Variants in SLC24A3 observed in about 807,000 individuals in gnomAD.
SLC24A3 encodes the protein sodium/potassium/calcium exchanger 3.
A neutral mutation model predicts 75.8 loss-of-function variants in SLC24A3; 28 were observed. The ratio of observed to expected loss-of-function variants is 0.37; its 90% CI spans 0.27 to 0.51. The LOEUF (loss-of-function observed/expected upper bound fraction) is 0.51. Among genes scored for constraint, SLC24A3 ranks in the 20% least tolerant of loss-of-function variants. The pLI, the probability that SLC24A3 is intolerant of heterozygous loss-of-function variation, is 0.94. For missense variants in SLC24A3, 663 were observed against 847.8 expected (o/e 0.78, Z 2.71); for synonymous variants, 372 against 334.1 (o/e 1.11, Z -1.24).
At chr20:19,420,297 A>G (rs1396422265) in intron 2 of SLC24A3, among the ~76,000 whole-genome samples, 1 of 59,910 alleles carries the variant, frequency 1.7e-5, no homozygotes, top group Non-Finnish European at 3.0e-5. Flanking sequence ...ATACGTGTGC[A>G]TGTGTCTTTA....
chr20:19,392,672 G>A (rs769877258), intron 2 of SLC24A3, among the ~76,000 whole-genome samples: 1 of 152,160 alleles, frequency 6.6e-6, no homozygotes, highest in Non-Finnish European at 1.5e-5. Context: ...CTGTTTGCCA[G>A]GCAATGGTCC....
chr20:19,365,120 T>C (rs1985864562), intron 2 of SLC24A3, among the ~76,000 whole-genome samples: 1 of 152,132 alleles, frequency 6.6e-6, no homozygotes. Context: ...TTGCACTTTG[T>C]ACCGTTATAC....
intron 3 of SLC24A3, among the ~76,000 whole-genome samples, chr20:19,567,875 A>G (rs1311012611): frequency 6.6e-6 from 1 of 152,232 alleles, no homozygotes. Context: ...ATATTTGCAA[A>G]TCGTATATCT....
chr20:19,218,043 T>C (rs946494257), intron 1 of SLC24A3, among the ~76,000 whole-genome samples: 9 of 152,178 alleles, frequency 5.9e-5, no homozygotes, highest in Non-Finnish European at 1.3e-4. Flanking sequence ...TCCGTACCTC[T>C]GTACCCCAGT....
intron 3 of SLC24A3, among the ~76,000 whole-genome samples, chr20:19,549,197 G>A (rs764958473): frequency 6.6e-6 from 1 of 152,216 alleles, no homozygotes; most frequent in Non-Finnish European, 1.5e-5. Context: ...AAGGGATGCT[G>A]GGACATGCTG....
At chr20:19,442,317 A>C (rs1384555211) in intron 2 of SLC24A3, among the ~76,000 whole-genome samples, 6 of 152,158 alleles carry the variant, frequency 3.9e-5, no homozygotes, top group Non-Finnish European at 8.8e-5. Context: ...ACCATTTTTC[A>C]TTCCCACCAG....
At chr20:19,531,873 A>G (rs1033292955) in intron 3 of SLC24A3, among the ~76,000 whole-genome samples, 1 of 152,238 alleles carries the variant, frequency 6.6e-6, no homozygotes, top group African/African-American at 2.4e-5. Context: ...TCCATTTTGC[A>G]GATGGATAAT....
intron 2 of SLC24A3, among the ~76,000 whole-genome samples, chr20:19,510,552 C>G (rs530441069): frequency 6.6e-6 from 1 of 152,180 alleles, no homozygotes; most frequent in East Asian, 1.9e-4. Context: ...GAAGCCCTAA[C>G]CCCCAAAATG....
intron 6 of SLC24A3, among the ~76,000 whole-genome samples, chr20:19,641,262 A>T (rs190951162): frequency 6.6e-6 from 1 of 152,280 alleles, no homozygotes. Flanking sequence ...CTCTGTCCAC[A>T]GTCAGTGTCA....
At chr20:19,645,379 T>G (rs2032125135) in intron 6 of SLC24A3, among the ~76,000 whole-genome samples, 1 of 152,204 alleles carries the variant, frequency 6.6e-6, no homozygotes, top group Non-Finnish European at 1.5e-5. Context: ...AATATAATTA[T>G]TTTAGATCAG....
intron 2 of SLC24A3, among the ~76,000 whole-genome samples, chr20:19,492,685 T>C (rs991117434): frequency 6.6e-6 from 1 of 152,238 alleles, no homozygotes; most frequent in African/African-American, 2.4e-5. Flanking sequence ...TCCTGTATAT[T>C]TTCCTTAAAC....
intron 2 of SLC24A3, among the ~76,000 whole-genome samples, chr20:19,399,168 T>A (rs575723921): frequency 2.0e-5 from 3 of 152,238 alleles, no homozygotes; most frequent in South Asian, 4.1e-4. Flanking sequence ...ATAGTTATCA[T>A]TTTTTTATGA....
At chr20:19,323,205 CAAAAAAA>C (rs1172583632) in intron 2 of SLC24A3, among the ~76,000 whole-genome samples, 2 of 61,138 alleles carry the variant, frequency 3.3e-5, no homozygotes, top group Non-Finnish European at 7.0e-5. Context: ...GACTCCGTCT[CAAAAAAA>C]AAAAAAAAAA....
At chr20:19,564,010 A>G (rs556053267) in intron 3 of SLC24A3, among the ~76,000 whole-genome samples, 1 of 152,236 alleles carries the variant, frequency 6.6e-6, no homozygotes, top group African/African-American at 2.4e-5. Context: ...CCTCTAGAAA[A>G]TTTAAATGAT....
chr20:19,365,068 A>G (rs1600449830), intron 2 of SLC24A3, among the ~76,000 whole-genome samples: 2 of 152,062 alleles, frequency 1.3e-5, no homozygotes, highest in African/African-American at 4.8e-5. Flanking sequence ...TGGCTACTCC[A>G]TAGAGCCATG....
At chr20:19,718,813 T>TA (rs2033069261) in intron 16 of SLC24A3, among the ~76,000 whole-genome samples, 1 of 152,158 alleles carries the variant, frequency 6.6e-6, no homozygotes, top group Admixed American at 6.5e-5. Context: ...CCATTGGAAA[T>TA]ATAAGTCTGA....
intron 2 of SLC24A3, among the ~76,000 whole-genome samples, chr20:19,488,132 G>A (rs1307689965): frequency 6.6e-6 from 1 of 152,168 alleles, no homozygotes; most frequent in Admixed American, 6.5e-5. Context: ...GCATGCGCTG[G>A]GTAGCGCATT....
At chr20:19,256,506 C>T (rs953808102) in intron 1 of SLC24A3, among the ~76,000 whole-genome samples, 2 of 152,216 alleles carry the variant, frequency 1.3e-5, no homozygotes, top group African/African-American at 2.4e-5. Context: ...CAGTGGCTCA[C>T]GCTTGTAATT....
chr20:19,299,505 A>G (rs983664335), intron 2 of SLC24A3, among the ~76,000 whole-genome samples: 9 of 152,210 alleles, frequency 5.9e-5, no homozygotes, highest in African/African-American at 2.2e-4. Flanking sequence ...AAAGAGAGCC[A>G]ATAAGAAAAT....
Sources: gnomAD v4.1 joint callset for allele counts (sites outside exome capture counted in the v4.1 genomes callset) on GRCh38, gnomAD v4.1.1 for gene constraint, MANE v1.5 for transcripts, NCBI Gene and HGNC (gene_info 2026-07-23, HGNC 2026-07-21) for gene names.